ME3: variants seen among roughly 807,000 people sequenced by gnomAD.
The protein encoded by ME3 is NADP-dependent malic enzyme, mitochondrial.
A neutral mutation model predicts 68.9 loss-of-function variants in ME3; 48 were observed. The ratio of observed to expected loss-of-function variants is 0.70; its 90% CI spans 0.55 to 0.89. ME3 has a LOEUF of 0.89. Ranked by LOEUF, ME3 falls within the 40% of genes least tolerant of loss-of-function variation. The pLI, the probability that ME3 is intolerant of heterozygous loss-of-function variation, is 0.00. For missense variants in ME3, 675 were observed against 797.4 expected (o/e 0.85, Z 1.85); for synonymous variants, 320 against 318.8 (o/e 1.00, Z -0.04).
rs189381163 is a variant in ME3, at chr11:86,562,603, G to A, written c.184-2780C>T. Reference sequence around the variant, plus strand: ...TGTTCTAGTAGATGTACAGTGATATGTCATTATTGCTTTAATTAGCAATCC... The same window carrying A: ...TGTTCTAGTAGATGTACAGTGATATATCATTATTGCTTTAATTAGCAATCC... On this transcript the variant is annotated intron_variant, in intron 2 of 14. Coordinates refer to ENST00000543262, the Ensembl canonical transcript of ME3. Among the ~76,000 whole-genome samples the A allele has an allele frequency of 2.0e-5, 3 of 152,248 alleles. No homozygotes were observed. In the East Asian group the frequency reaches 5.8e-4, roughly 29 times the overall value.
At chr11:86,609,608 A>G (rs1304716882) in intron 2 of ME3, among the ~76,000 whole-genome samples, 11 of 152,212 alleles carry the variant, frequency 7.2e-5, no homozygotes, top group Admixed American at 2.0e-4. Flanking sequence ...ACCAAACCCT[A>G]GTATACTAGT....
At chr11:86,575,400 A>G (rs1958044171) in intron 2 of ME3, among the ~76,000 whole-genome samples, 1 of 147,448 alleles carries the variant, frequency 6.8e-6, no homozygotes, top group African/African-American at 2.6e-5. Flanking sequence ...TGTCTGGGAA[A>G]TGGGAATAAT....
chr11:86,462,915 G>A (rs1282473982), intron 8 of ME3, among the ~76,000 whole-genome samples: 1 of 152,180 alleles, frequency 6.6e-6, no homozygotes, highest in Admixed American at 6.5e-5. Context: ...AGGTAAAGAT[G>A]ATGGGAAAGG....
At chr11:86,579,033 A>AATTCATTCAT (rs1958283716) in intron 2 of ME3, among the ~76,000 whole-genome samples, 1 of 152,150 alleles carries the variant, frequency 6.6e-6, no homozygotes, top group Admixed American at 6.6e-5. Context: ...TTGGCTCATT[A>AATTCATTCAT]ATTCATTCAT....
intron 7 of ME3, among the ~76,000 whole-genome samples, chr11:86,485,235 C>T (rs1951618061): frequency 6.6e-6 from 1 of 152,340 alleles, no homozygotes; most frequent in East Asian, 1.9e-4. Flanking sequence ...GGTACTAGCA[C>T]GTCCCTGACA....
exon 11 of ME3, chr11:86,448,209 T>G: frequency 6.2e-7 from 1 of 1,614,170 alleles, no homozygotes; most frequent in South Asian, 1.1e-5. Flanking sequence ...GACTTCAGGA[T>G]GGTCTTGGGC....
rs114143649 is a variant in ME3, at chr11:86,629,081, A to G, written c.183+42681T>C. Among the ~76,000 whole-genome samples the G allele has an allele frequency of 3.4e-3, 519 of 152,270 alleles. 7 individuals are homozygous for G. Among genetic ancestry groups the G allele is most frequent in the African/African-American group, 0.012 (488 of 41,544 alleles). On this transcript the variant is annotated intron_variant, in intron 2 of 14. Transcript: ENST00000543262. ...CATGCGTGCCCCTTGTTCCTGCAAA[A>G]CCTAACTGGTGATACAGTGAATTCA...
intron 5 of ME3, among the ~76,000 whole-genome samples, chr11:86,500,525 T>C (rs658166): frequency 0.75 from 113,728 of 152,194 alleles, 43,041 homozygotes; most frequent in Non-Finnish European, 0.8. Context: ...TGCCAACCAA[T>C]GTCAGATTCA....
Position 86,573,665 on chromosome 11 carries a change from A to G in ME3, c.184-13842T>C, listed in dbSNP as rs567290754. On this transcript the variant is annotated intron_variant, in intron 2 of 14. Coordinates refer to ENST00000543262, the Ensembl canonical transcript of ME3. ...TGCCCTGGCCAGAACTTCCAATACT[A>G]TGTTAAATAGGAGTGGAGAGAGACA... is the stretch of plus-strand genomic sequence containing the variant. Among the ~76,000 whole-genome samples, 353 of 150,824 alleles carry G rather than the reference A, an allele frequency of 2.3e-3. 6 individuals are homozygous for G. The highest frequency in any genetic ancestry group is 8.3e-3 in the African/African-American group (333 of 40,206).
At chr11:86,558,397 G>T (rs926342426) in intron 3 of ME3, among the ~76,000 whole-genome samples, 2 of 152,196 alleles carry the variant, frequency 1.3e-5, no homozygotes, top group African/African-American at 4.8e-5. Flanking sequence ...TATTTGGCCT[G>T]ACTACAGTAT....
chr11:86,557,562 C>A (rs1956995785), intron 3 of ME3, among the ~76,000 whole-genome samples: 1 of 152,174 alleles, frequency 6.6e-6, no homozygotes, highest in Admixed American at 6.5e-5. Context: ...GTTTGAATCC[C>A]AGCTCTGCTG....
At chr11:86,457,489 A>G (rs1950004177) in intron 8 of ME3, 4 of 1,038,260 alleles carry the variant, frequency 3.9e-6, no homozygotes, top group Non-Finnish European at 4.7e-6. Flanking sequence ...TTGGGAAGCT[A>G]TTTCTGCACT....
At chr11:86,626,883 C>T (rs146101870) in intron 2 of ME3, among the ~76,000 whole-genome samples, 237 of 152,228 alleles carry the variant, frequency 1.6e-3, no homozygotes, top group African/African-American at 4.0e-3. Flanking sequence ...TATTATATCC[C>T]CTCTGTTTCA....
intron 2 of ME3, among the ~76,000 whole-genome samples, chr11:86,567,690 G>A (rs963437756): frequency 6.6e-6 from 1 of 152,084 alleles, no homozygotes; most frequent in African/African-American, 2.4e-5. Context: ...GTAATTTCAG[G>A]GATTACAAGA....
chr11:86,477,537 C>T (rs1951153572), intron 7 of ME3, among the ~76,000 whole-genome samples: 1 of 152,070 alleles, frequency 6.6e-6, no homozygotes, highest in African/African-American at 2.4e-5. Flanking sequence ...CCCATAAGAC[C>T]CTTATATTCC....
chr11:86,661,831 A>AGTATTGTATT (rs57724567), intron 2 of ME3, among the ~76,000 whole-genome samples: 21 of 150,146 alleles, frequency 1.4e-4, no homozygotes, highest in African/African-American at 5.2e-4. Context: ...TTCAAGGCAG[A>AGTATTGTATT]GTATTGTATT....
intron 2 of ME3, among the ~76,000 whole-genome samples, chr11:86,583,407 G>T (rs961671299): frequency 2.6e-5 from 4 of 152,162 alleles, no homozygotes; most frequent in Non-Finnish European, 5.9e-5. Context: ...AACGAAAATG[G>T]TTATCAAATA....
At chr11:86,661,837 GTATTGTATTGTA>G in intron 2 of ME3, among the ~76,000 whole-genome samples, 1 of 354 alleles carries the variant, frequency 2.8e-3, no homozygotes, top group Non-Finnish European at 0.029. Context: ...GCAGAGTATT[GTATTGTATTGTA>G]TTGTATTGTA....
intron 4 of ME3, among the ~76,000 whole-genome samples, chr11:86,554,784 C>T (rs1956849760): frequency 6.6e-6 from 1 of 152,192 alleles, no homozygotes; most frequent in South Asian, 2.1e-4. Flanking sequence ...ACTTTCCCAA[C>T]CGAGTGACAA....
Sources: allele counts gnomAD v4.1 joint callset (sites outside exome capture counted in the v4.1 genomes callset), GRCh38; gene constraint gnomAD v4.1.1; transcripts MANE v1.5; gene names NCBI Gene and HGNC (gene_info 2026-07-23, HGNC 2026-07-21).